COL4A2: variants seen among roughly 807,000 people sequenced by gnomAD.
COL4A2 encodes collagen type IV alpha 2 chain.
Under a neutral mutation model 200.2 loss-of-function variants are expected in COL4A2, and 99 were observed. The ratio of observed to expected loss-of-function variants is 0.49; its 90% CI spans 0.42 to 0.58. The LOEUF (loss-of-function observed/expected upper bound fraction) is 0.58, where lower values mean the gene tolerates loss of function less well. COL4A2 is among the 20% of genes least tolerant of loss of function. The probability of loss-of-function intolerance (pLI) is 0.00; values close to 1 mark genes in which losing one functional copy is unlikely to be tolerated. For synonymous variants in COL4A2, 897 were observed against 900.6 expected (o/e 1.00, Z 0.07); for missense variants, 1,950 against 2,314.1 (o/e 0.84, Z 3.23).
chr13:110,425,018 GA>G (rs1880417032), intron 6 of COL4A2, 21 bp downstream of exon 6: 5 of 1,613,088 alleles, frequency 3.1e-6, no homozygotes, highest in Non-Finnish European at 4.2e-6. Flanking sequence ...TGGAAGACTG[GA>G]ATTTTAAAAC....
At chr13:110,392,340 TGGA>T (rs1879018710) in intron 4 of COL4A2, among the ~76,000 whole-genome samples, 1 of 152,132 alleles carries the variant, frequency 6.6e-6, no homozygotes, top group Non-Finnish European at 1.5e-5. Context: ...GAAACGTAAA[TGGA>T]GGAGGACTGG....
chr13:110,310,208 C>T (rs994578902), intron 3 of COL4A2, among the ~76,000 whole-genome samples: 2 of 152,178 alleles, frequency 1.3e-5, no homozygotes, highest in Non-Finnish European at 2.9e-5. Flanking sequence ...TGGATGGCAC[C>T]AAGAACATTG....
intron 6 of COL4A2, among the ~76,000 whole-genome samples, chr13:110,427,295 G>A (rs979930784): frequency 1.3e-5 from 2 of 152,022 alleles, no homozygotes; most frequent in Non-Finnish European, 2.9e-5. Context: ...GATTACAGGT[G>A]CCTGCCACCA....
chr13:110,409,633 CAG>C (rs1395851237), intron 4 of COL4A2, among the ~76,000 whole-genome samples: 1 of 152,230 alleles, frequency 6.6e-6, no homozygotes, highest in East Asian at 1.9e-4. Flanking sequence ...GTCATGAGAA[CAG>C]GGCGCCAGCT....
intron 4 of COL4A2, among the ~76,000 whole-genome samples, chr13:110,392,070 A>G (rs1025009880): frequency 6.6e-6 from 1 of 152,226 alleles, no homozygotes; most frequent in East Asian, 1.9e-4. Context: ...TTTCAACAAC[A>G]AATGGCAGGA....
intron 4 of COL4A2, among the ~76,000 whole-genome samples, chr13:110,397,496 AT>A (rs1242460077): frequency 2.0e-5 from 3 of 152,196 alleles, no homozygotes; most frequent in African/African-American, 7.2e-5. Context: ...ACTAATAAAC[AT>A]TTGAACTTTT....
chr13:110,440,150 C>T (rs1881067011), intron 16 of COL4A2, among the ~76,000 whole-genome samples: 2 of 152,220 alleles, frequency 1.3e-5, no homozygotes, highest in Admixed American at 6.5e-5. Flanking sequence ...TAGGAAGCTC[C>T]TGGACTTGGT....
In COL4A2 at chr13:110,475,282, G is replaced by A. The variant is rs75402567; in HGVS notation, c.2425+2132G>A. Reference sequence around the variant, plus strand: ...TGTCTGCAGAAACTGAGGACTCGGCGCTGAGAGGTGGGGCTCTGTGTGTCA... The same window carrying A: ...TGTCTGCAGAAACTGAGGACTCGGCACTGAGAGGTGGGGCTCTGTGTGTCA... On this transcript the variant is annotated intron_variant, in intron 29 of 47. Coordinates refer to ENST00000360467, the MANE Select transcript of COL4A2 (RefSeq NM_001846.4). Among the ~76,000 whole-genome samples, 1,118 of 152,320 alleles carry A rather than the reference G, an allele frequency of 7.3e-3. 9 individuals are homozygous for A. Among genetic ancestry groups the A allele is most frequent in the Non-Finnish European group, 9.5e-3 (644 of 68,028 alleles).
chr13:110,338,052 C>T (rs1876281946), intron 3 of COL4A2, among the ~76,000 whole-genome samples: 1 of 152,154 alleles, frequency 6.6e-6, no homozygotes, highest in South Asian at 2.1e-4. Context: ...ATTTATGCCA[C>T]CGTGATAGGA....
At chr13:110,409,131 A>ACACGCACACATG (rs1415156223) in intron 4 of COL4A2, among the ~76,000 whole-genome samples, 1 of 151,944 alleles carries the variant, frequency 6.6e-6, no homozygotes, top group Non-Finnish European at 1.5e-5. Context: ...ACACATGCAC[A>ACACGCACACATG]TGCACACACG....
intron 7 of COL4A2, 59 bp downstream of exon 7, chr13:110,428,642 C>T: frequency 1.0e-6 from 1 of 990,966 alleles, no homozygotes; most frequent in Non-Finnish European, 1.4e-6. Context: ...TAAGCCCTGC[C>T]TTTATAACCT....
At position 110,484,978 on chromosome 13, in the gene COL4A2, GA is replaced by G; in HGVS notation, c.2979del (p.Gly994GlufsTer8). 2 of 1,613,032 alleles carry G rather than the reference GA, an allele frequency of 1.2e-6. No individual in the cohort carries two copies. Among genetic ancestry groups the G allele is most frequent in the Non-Finnish European group, 1.7e-6 (2 of 1,179,154 alleles). On this transcript the variant is annotated frameshift_variant, in exon 33 of 48. Transcript: ENST00000360467. LOFTEE classifies it high-confidence loss of function. Reference protein sequence around the residue: ...LPGMKDIKGEKGDEGPMGLKG... With the variant: ...LPGMKDIKGEXGDEGPMGLKG... ...CAGGAATGAAAGACATTAAAGGAGA[GA>G]AAGGAGATGAAGGGCCTATGGGGCT...
intron 3 of COL4A2, among the ~76,000 whole-genome samples, chr13:110,320,347 T>G (rs1345458630): frequency 6.6e-6 from 1 of 152,222 alleles, no homozygotes; most frequent in Non-Finnish European, 1.5e-5. Context: ...GTGCTGTGAT[T>G]TCTGGGCGAT....
intron 3 of COL4A2, among the ~76,000 whole-genome samples, chr13:110,354,410 C>A (rs1566489077): frequency 6.6e-6 from 1 of 152,144 alleles, no homozygotes; most frequent in Non-Finnish European, 1.5e-5. Flanking sequence ...GATTTATGAG[C>A]CCCATTGCAG....
chr13:110,385,480 T>C (rs1462896539), intron 4 of COL4A2, among the ~76,000 whole-genome samples: 44 of 130,932 alleles, frequency 3.4e-4, no homozygotes, highest in East Asian at 2.4e-3. Context: ...GTGGTTACAG[T>C]GTGTGGATAG....
chr13:110,495,518 AC>A (rs762430676), intron 40 of COL4A2, 51 bp downstream of exon 40: 2 of 1,585,692 alleles, frequency 1.3e-6, no homozygotes, highest in South Asian at 2.3e-5. Flanking sequence ...ACCAGAACCC[AC>A]CCAGAGGTGG....
Position 110,478,070 on chromosome 13 carries a change from G to A in COL4A2, c.2493G>A (p.Gln831=). 6.2e-7 allele frequency: 1 copy of A among 1,608,290 alleles called. No individual in the cohort carries two copies. The highest frequency in any genetic ancestry group is 8.5e-7 in the Non-Finnish European group (1 of 1,176,442). Residue 831 remains glutamine (Q), a synonymous_variant, in exon 30 of 48, where the codon CAG becomes CAA. Transcript: ENST00000360467. ...GQPGLPGPSG[Q]PGLYGPPGLH... is the part of the protein sequence containing the mutation. ...CAGGCCTCCCAGGACCTTCCGGCCA[G>A]CCAGGCCTGTATGGGCCTCCAGGAC...
intron 4 of COL4A2, among the ~76,000 whole-genome samples, chr13:110,409,916 C>T (rs978920014): frequency 1.3e-5 from 2 of 152,132 alleles, no homozygotes; most frequent in East Asian, 1.9e-4. Flanking sequence ...ACAATAACCC[C>T]GGCGTGGTGA....
At chr13:110,390,564 G>A (rs1878948668) in intron 4 of COL4A2, among the ~76,000 whole-genome samples, 1 of 152,222 alleles carries the variant, frequency 6.6e-6, no homozygotes, top group African/African-American at 2.4e-5. Flanking sequence ...ATTAAACCAT[G>A]TTTTAAAACT....
Sources: allele counts gnomAD v4.1 joint callset (sites outside exome capture counted in the v4.1 genomes callset), GRCh38; gene constraint gnomAD v4.1.1; transcripts MANE v1.5; gene names NCBI Gene and HGNC (gene_info 2026-07-23, HGNC 2026-07-21).